Variants in TMEM273 observed in about 807,000 individuals in gnomAD.
The protein encoded by TMEM273 is transmembrane protein 273, also known as chromosome 10 open reading frame 128.
TMEM273 carries 19 observed loss-of-function variants against 17.9 expected under a neutral mutation model. The observed-to-expected ratio is 1.06, with a 90% CI of 0.74 to 1.55. The LOEUF (loss-of-function observed/expected upper bound fraction) is 1.55, where lower values mean the gene tolerates loss of function less well. Ranked by LOEUF, TMEM273 falls within the 40% of genes most tolerant of loss-of-function variation. TMEM273 has a pLI of 0.00. For synonymous variants in TMEM273, 66 were observed against 62.0 expected (o/e 1.07, Z -0.31); for missense variants, 194 against 155.6 (o/e 1.25, Z -1.31).
At chr10:49,156,924 A>G (rs1191624342) in intron 6 of TMEM273, among the ~76,000 whole-genome samples, 3 of 152,240 alleles carry the variant, frequency 2.0e-5, no homozygotes, top group Non-Finnish European at 4.4e-5. Context: ...AGGGATTCCA[A>G]GCAAGGGCCT....
intron 6 of TMEM273, among the ~76,000 whole-genome samples, chr10:49,156,703 G>T (rs1845533146): frequency 6.6e-6 from 1 of 152,246 alleles, no homozygotes; most frequent in African/African-American, 2.4e-5. Context: ...ACAGCAGGAA[G>T]GCGGGACAGA....
chr10:49,164,128 C>T (rs979652198), intron 5 of TMEM273, among the ~76,000 whole-genome samples: 3 of 152,182 alleles, frequency 2.0e-5, no homozygotes, highest in African/African-American at 7.2e-5. Flanking sequence ...ATCTCCTCTA[C>T]ATGGAAGTGT....
rs146735178 is a variant in TMEM273 at position 49,179,554 on chromosome 10, G to A, written c.43+8740C>T. On this transcript the variant is annotated intron_variant, in intron 1 of 6. Transcript: ENST00000374153. ...TTACTTTTCTGGAAAGATGAAATAGGTTTACTTTTCCCTATTCCTCTCACT... is the reference window on the plus strand; with the variant it reads ...TTACTTTTCTGGAAAGATGAAATAGATTTACTTTTCCCTATTCCTCTCACT... 8.0e-4 allele frequency among the ~76,000 whole-genome samples: 122 copies of A among 152,188 alleles called. 1 individual carries two copies. The East Asian group carries it at 0.022, about 27-fold the overall frequency.
chr10:49,171,558 G>T (rs539924597), intron 1 of TMEM273, among the ~76,000 whole-genome samples: 16 of 152,196 alleles, frequency 1.1e-4, no homozygotes, highest in Admixed American at 2.0e-4. Context: ...CTGGTACTCT[G>T]TGCCTCCCTG....
intron 1 of TMEM273, among the ~76,000 whole-genome samples, chr10:49,183,948 A>T (rs546525247): frequency 1.7e-4 from 26 of 152,362 alleles, no homozygotes; most frequent in African/African-American, 6.0e-4. Flanking sequence ...ATAGCAAAAA[A>T]AAAAAACATT....
intron 1 of TMEM273, among the ~76,000 whole-genome samples, chr10:49,182,699 T>A (rs1446236836): frequency 1.3e-5 from 2 of 152,186 alleles, no homozygotes; most frequent in East Asian, 1.9e-4. Flanking sequence ...CAATAGCTAG[T>A]CTTAGATCAA....
At chr10:49,156,761 G>A (rs1417164283) in intron 6 of TMEM273, among the ~76,000 whole-genome samples, 2 of 152,206 alleles carry the variant, frequency 1.3e-5, no homozygotes. Context: ...AAAACAGACA[G>A]CACATATTTG....
At chr10:49,157,902 T>G (rs1590175144) in intron 6 of TMEM273, among the ~76,000 whole-genome samples, 1 of 152,098 alleles carries the variant, frequency 6.6e-6, no homozygotes, top group Admixed American at 6.6e-5. Flanking sequence ...TTTTGGCAGG[T>G]GACATAATAT....
At chr10:49,159,854 G>A (rs1845735255) in intron 6 of TMEM273, among the ~76,000 whole-genome samples, 1 of 152,162 alleles carries the variant, frequency 6.6e-6, no homozygotes, top group South Asian at 2.1e-4. Context: ...TGTGCTCAAA[G>A]ACTAATGGGT....
At chr10:49,185,594 C>T (rs546143868) in intron 1 of TMEM273, among the ~76,000 whole-genome samples, 6 of 152,310 alleles carry the variant, frequency 3.9e-5, no homozygotes, top group Admixed American at 3.3e-4. Context: ...TGTTCACAAA[C>T]ATTTACTTAC....
At chr10:49,166,603 AAGAGACACAGAAAGAC>A (rs1489605358) in intron 3 of TMEM273, 2 of 477,612 alleles carry the variant, frequency 4.2e-6, no homozygotes, top group Non-Finnish European at 7.7e-6. Context: ...TACAGAGGGA[AAGAGACACAGAAAGAC>A]AGAGACATGG....
At chr10:49,165,027 T>G (rs1438457006) in intron 5 of TMEM273, among the ~76,000 whole-genome samples, 178 bp downstream of exon 5, 1 of 152,036 alleles carries the variant, frequency 6.6e-6, no homozygotes, top group African/African-American at 2.4e-5. Flanking sequence ...CTAAGTGCTG[T>G]GCTACAGAAG....
chr10:49,156,080 C>T (rs1299555851), intron 6 of TMEM273, 171 bp from the exon 7 acceptor site: 2 of 1,543,738 alleles, frequency 1.3e-6, no homozygotes, highest in Non-Finnish European at 1.7e-6. Context: ...AGGCCAGTGG[C>T]TTCTGGGTAA....
intron 1 of TMEM273, 87 bp from the exon 2 acceptor site, chr10:49,168,049 C>G: frequency 6.6e-7 from 1 of 1,515,366 alleles, no homozygotes; most frequent in Non-Finnish European, 9.1e-7. Context: ...GGAAAGCCTA[C>G]CCCATGTACC....
intron 6 of TMEM273, among the ~76,000 whole-genome samples, chr10:49,159,814 C>T (rs1009638469): frequency 6.6e-6 from 1 of 151,996 alleles, no homozygotes; most frequent in African/African-American, 2.4e-5. Context: ...CAAGGTGAGC[C>T]TGAGATATTG....
At chr10:49,156,863 A>G (rs1209076760) in intron 6 of TMEM273, among the ~76,000 whole-genome samples, 1 of 152,240 alleles carries the variant, frequency 6.6e-6, no homozygotes, top group Admixed American at 6.5e-5. Flanking sequence ...CAAGAAAGAC[A>G]TTGGAAACCA....
At chr10:49,174,233 G>T (rs1846790970) in intron 1 of TMEM273, among the ~76,000 whole-genome samples, 1 of 152,224 alleles carries the variant, frequency 6.6e-6, no homozygotes, top group South Asian at 2.1e-4. Context: ...GGTGATATGG[G>T]TGCTGGCGGG....
At chr10:49,176,813 C>T (rs956391312) in intron 1 of TMEM273, among the ~76,000 whole-genome samples, 2 of 152,210 alleles carry the variant, frequency 1.3e-5, no homozygotes, top group African/African-American at 4.8e-5. Context: ...ACAGATCATT[C>T]GTAAACCCTG....
At chr10:49,178,237 C>G in intron 1 of TMEM273, 2 of 457,410 alleles carry the variant, frequency 4.4e-6, no homozygotes, top group Middle Eastern at 3.2e-4. Context: ...CTGCCCTTGC[C>G]CGGGGCCTCA....
Sources: allele counts gnomAD v4.1 joint callset (sites outside exome capture counted in the v4.1 genomes callset), GRCh38; gene constraint gnomAD v4.1.1; transcripts MANE v1.5; gene names NCBI Gene and HGNC (gene_info 2026-07-23, HGNC 2026-07-21).